The following ANO5 variants were observed in gnomAD, a reference collection of about 807,000 sequenced individuals.
ANO5 encodes the protein anoctamin-5.
Under a neutral mutation model 121.0 loss-of-function variants are expected in ANO5, and 109 were observed. The observed-to-expected ratio is 0.90, with a 90% CI of 0.77 to 1.06. The LOEUF (loss-of-function observed/expected upper bound fraction) is 1.06, where lower values mean the gene tolerates loss of function less well. Ranked by LOEUF, ANO5 falls within the 50% of genes least tolerant of loss-of-function variation. The pLI is 0.00. For missense variants in ANO5, 1,064 were observed against 1,078.5 expected (o/e 0.99, Z 0.19); for synonymous variants, 406 against 359.9 (o/e 1.13, Z -1.45).
intron 13 of ANO5, among the ~76,000 whole-genome samples, chr11:22,257,389 T>C (rs1484243312): frequency 6.6e-6 from 1 of 152,200 alleles, no homozygotes; most frequent in East Asian, 1.9e-4. Flanking sequence ...TCATTATTCA[T>C]TATTTGACTT....
At chr11:22,277,033 T>G (rs376778466) in intron 21 of ANO5, among the ~76,000 whole-genome samples, 40 of 151,618 alleles carry the variant, frequency 2.6e-4, no homozygotes, top group South Asian at 2.1e-3. Flanking sequence ...CCTAAAATCC[T>G]AATATCCAAA....
chr11:22,192,719 G>A (rs2133469911), upstream of ANO5, among the ~76,000 whole-genome samples: 1 of 152,330 alleles, frequency 6.6e-6, no homozygotes, highest in East Asian at 1.9e-4. Flanking sequence ...GGAGGATTCC[G>A]ACAGGAGGGA....
chr11:22,267,730 A>T (rs1044061844), intron 17 of ANO5, among the ~76,000 whole-genome samples: 7 of 151,942 alleles, frequency 4.6e-5, no homozygotes, highest in African/African-American at 1.7e-4. Flanking sequence ...TAAATCTAAT[A>T]CCCAGTACTT....
In ANO5 at chr11:22,232,434, A is replaced by T. The variant is rs542766851; in HGVS notation, c.649-3729A>T. On this transcript the variant is annotated intron_variant, in intron 7 of 21. Transcript: ENST00000324559. Reference sequence around the variant, plus strand: ...TATTCTTGATCTGAGTCCTTTATTCATTATATATTCTACTGATCTTTTGTT... The same window carrying T: ...TATTCTTGATCTGAGTCCTTTATTCTTTATATATTCTACTGATCTTTTGTT... Among the ~76,000 whole-genome samples the T allele has an allele frequency of 3.9e-5, 6 of 151,922 alleles. No homozygotes were observed. The South Asian group carries it at 1.0e-3, about 26-fold the overall frequency.
intron 2 of ANO5, among the ~76,000 whole-genome samples, chr11:22,210,495 G>A (rs1406365970): frequency 1.3e-5 from 2 of 151,952 alleles, no homozygotes; most frequent in African/African-American, 4.8e-5. Flanking sequence ...AACAAGGTAA[G>A]TGAATTACAA....
At position 22,281,236 on chromosome 11, in the gene ANO5, T is replaced by G. The variant is rs1855064234; in HGVS notation, c.*1471T>G. 6.6e-6 allele frequency: 1 copy of G among 152,062 alleles called. No individual in the cohort carries two copies. Among genetic ancestry groups the G allele is most frequent in the East Asian group, 1.9e-4 (1 of 5,202 alleles). 9.4% of individuals were successfully genotyped at this position (152,062 alleles called of 1,614,324 possible). A position where few individuals can be genotyped will look rare whatever the true frequency, so the allele number is the denominator to read the frequency against. On this transcript the variant is annotated 3_prime_UTR_variant, in exon 22 of 22. Coordinates refer to ENST00000324559, the MANE Select transcript of ANO5 (RefSeq NM_213599.3). ...ACACACATAAGAAATTTTATCACAA[T>G]ATTTAAAACTAATATTTCATTATCT... is the stretch of plus-strand genomic sequence containing the variant.
intron 13 of ANO5, among the ~76,000 whole-genome samples, chr11:22,256,320 A>G (rs1332804005): frequency 2.6e-5 from 4 of 152,208 alleles, no homozygotes; most frequent in Non-Finnish European, 5.9e-5. Context: ...ACTCTCTTCA[A>G]TAGAATTCCC....
intron 1 of ANO5, among the ~76,000 whole-genome samples, chr11:22,200,329 C>A (rs376711249): frequency 6.6e-6 from 1 of 151,998 alleles, no homozygotes; most frequent in African/African-American, 2.4e-5. Flanking sequence ...ATATGTTTTC[C>A]CATCATACTT....
At chr11:22,208,044 A>T (rs1428989027) in intron 2 of ANO5, among the ~76,000 whole-genome samples, 1 of 152,068 alleles carries the variant, frequency 6.6e-6, no homozygotes, top group African/African-American at 2.4e-5. Context: ...ACTAGTTAGG[A>T]TGCAGAGAAA....
intron 21 of ANO5, chr11:22,278,175 A>G (rs1357851936): frequency 6.6e-6 from 1 of 151,734 alleles, no homozygotes; most frequent in Non-Finnish European, 1.5e-5. Flanking sequence ...TTTTAAAATC[A>G]ATACGGTTTT....
In ANO5 at chr11:22,264,111, C is replaced by T. The variant is rs1027798840; in HGVS notation, c.1898+1068C>T. 1.7e-4 allele frequency among the ~76,000 whole-genome samples: 26 copies of T among 150,318 alleles called. 2 individuals carry two copies. The highest frequency in any genetic ancestry group is 2.9e-5 in the Non-Finnish European group (2 of 67,816). Reference sequence around the variant, plus strand: ...CAATCTCGGCTCACTGCAACCTCCACCTCCTGGGTTCAAGCAATTTTCCTG... The same window carrying T: ...CAATCTCGGCTCACTGCAACCTCCATCTCCTGGGTTCAAGCAATTTTCCTG... On this transcript the variant is annotated intron_variant, in intron 17 of 21. Coordinates refer to ENST00000324559, the MANE Select transcript of ANO5 (RefSeq NM_213599.3).
intron 17 of ANO5, among the ~76,000 whole-genome samples, chr11:22,269,282 AGAAG>A (rs1854497813): frequency 1.7e-5 from 1 of 58,142 alleles, no homozygotes; most frequent in African/African-American, 9.7e-5. Context: ...GGAAGGGAAG[AGAAG>A]GGAAGAAGGA....
chr11:22,227,193 A>G, intron 6 of ANO5, 109 bp from the exon 7 acceptor site: 2 of 1,425,436 alleles, frequency 1.4e-6, no homozygotes, highest in Non-Finnish European at 1.9e-6. Flanking sequence ...AATATTGAAA[A>G]TGCTTTGATG....
At chr11:22,248,815 TAAGTC>T in intron 9 of ANO5, among the ~76,000 whole-genome samples, 2 of 151,982 alleles carry the variant, frequency 1.3e-5, no homozygotes, top group Non-Finnish European at 2.9e-5. Context: ...ATTTTTAAGT[TAAGTC>T]TATAGCAATA....
intron 5 of ANO5, among the ~76,000 whole-genome samples, chr11:22,222,988 G>A (rs1344263152): frequency 6.6e-6 from 1 of 152,012 alleles, no homozygotes; most frequent in African/African-American, 2.4e-5. Context: ...ACTGAAGCAA[G>A]AAGAGAAAAC....
At chr11:22,221,363 C>T (rs1010804161) in intron 5 of ANO5, among the ~76,000 whole-genome samples, 153 bp downstream of exon 5, 2 of 151,976 alleles carry the variant, frequency 1.3e-5, no homozygotes, top group Non-Finnish European at 2.9e-5. Flanking sequence ...AGTAGGCAGC[C>T]TAAGAATAGA....
chr11:22,251,734 T>C (rs1266174138), intron 12 of ANO5, among the ~76,000 whole-genome samples: 1 of 151,950 alleles, frequency 6.6e-6, no homozygotes, highest in Non-Finnish European at 1.5e-5. Context: ...CATTCAAAAC[T>C]GGGCAAGGGC....
chr11:22,277,526 A>G (rs1854908969), intron 21 of ANO5, among the ~76,000 whole-genome samples: 1 of 151,610 alleles, frequency 6.6e-6, no homozygotes, highest in Admixed American at 6.6e-5. Flanking sequence ...ATATAAATAC[A>G]ATAGTCAGGG....
chr11:22,238,146 G>A (rs931594630), intron 8 of ANO5, among the ~76,000 whole-genome samples: 2 of 151,968 alleles, frequency 1.3e-5, no homozygotes, highest in Admixed American at 6.6e-5. Flanking sequence ...TTTTCCTGGG[G>A]CAAAGAAACT....
Sources: gnomAD v4.1 joint callset for allele counts (sites outside exome capture counted in the v4.1 genomes callset) on GRCh38, gnomAD v4.1.1 for gene constraint, MANE v1.5 for transcripts, NCBI Gene and HGNC (gene_info 2026-07-23, HGNC 2026-07-21) for gene names.